ST8SIA3: variants seen among roughly 807,000 people sequenced by gnomAD.
ST8SIA3 encodes the protein ST8 alpha-N-acetyl-neuraminide alpha-2,8-sialyltransferase 3, also known as alpha-N-acetylneuraminate alpha-2,8-sialyltransferase ST8SIA3.
ST8SIA3 carries 17 observed loss-of-function variants against 34.5 expected under a neutral mutation model. The ratio of observed to expected loss-of-function variants is 0.49; its 90% CI spans 0.34 to 0.74. The LOEUF is 0.74. ST8SIA3 is among the 30% of genes least tolerant of loss of function. ST8SIA3 has a pLI of 0.01. For synonymous variants in ST8SIA3, 172 were observed against 176.1 expected, an observed-to-expected ratio of 0.98 and a Z score of 0.19; for missense variants, 354 against 467.8, an observed-to-expected ratio of 0.76 and a Z score of 2.24.
At chr18:57,355,434 T>C (rs915423252) in intron 2 of ST8SIA3, among the ~76,000 whole-genome samples, 7 of 152,222 alleles carry the variant, frequency 4.6e-5, no homozygotes, top group Admixed American at 4.6e-4. Flanking sequence ...TTTAAAAGTT[T>C]AATCTATGGG....
chr18:57,358,819 TC>T (rs2049813059), intron 3 of ST8SIA3, among the ~76,000 whole-genome samples: 1 of 152,204 alleles, frequency 6.6e-6, no homozygotes, highest in African/African-American at 2.4e-5. Flanking sequence ...TGCCAACCTG[TC>T]CCATGGTCTT....
In ST8SIA3 at chr18:57,360,505, A is replaced by C. The variant is rs1481989181; in HGVS notation, c.*228A>C. The C allele has an allele frequency of 1.9e-6, 1 of 536,078 alleles. No individual in the cohort carries two copies. Among genetic ancestry groups the C allele is most frequent in the African/African-American group, 1.9e-5 (1 of 53,096 alleles). 33.2% of individuals were successfully genotyped at this position (536,078 alleles called of 1,614,324 possible). On this transcript the variant is annotated 3_prime_UTR_variant, in exon 4 of 4. Transcript: ENST00000324000. ...ACTTGATTGATAAAGGGAATGTTGC[A>C]TTTGGGACTATGCTGCTAACGAAAT... is the stretch of plus-strand genomic sequence containing the variant.
In ST8SIA3 at chr18:57,360,076, A is replaced by C; in HGVS notation, c.942A>C (p.Glu314Asp). 6.2e-7 allele frequency: 1 copy of C among 1,614,176 alleles called. No individual in the cohort carries two copies. The highest frequency in any genetic ancestry group is 1.1e-5 in the South Asian group (1 of 91,086). Residue 314 changes from glutamate to aspartate, a missense_variant, in exon 4 of 4, where the codon GAA (glutamate) becomes GAC (aspartate). Physicochemically the swap from Glu to Asp is conservative, Grantham distance 45. Coordinates refer to ENST00000324000, the MANE Select transcript of ST8SIA3 (RefSeq NM_015879.3). ...ACACCCTTGCATCAGCAATATGTGA[A>C]GAGATCCACTTGTATGGATTTTGGC... ...LMYTLASAIC[E>D]EIHLYGFWPF...
Position 57,356,975 on chromosome 18 carries a change from G to A in ST8SIA3, c.365G>A (p.Arg122Gln), listed in dbSNP as rs562177389. 4.2e-5 allele frequency: 68 copies of A among 1,613,706 alleles called. No individual in the cohort carries two copies. Among genetic ancestry groups the A allele is most frequent in the Admixed American group, 5.0e-5 (3 of 59,966 alleles). ...KNFSLTKNSV[R>Q]IGQLMHYDYS... ...TTTTCTTTGACCAAGAATAGTGTTCGGATTGGACAACTGATGCACTATGAT... is the reference window on the plus strand; with the variant it reads ...TTTTCTTTGACCAAGAATAGTGTTCAGATTGGACAACTGATGCACTATGAT... The change falls in exon 3 of 4, where the codon CGG (arginine) becomes CAG (glutamine). Residue 122 changes from arginine (R) to glutamine (Q), a missense_variant. By Grantham distance (43) the Arg-to-Gln change is conservative. Coordinates refer to ENST00000324000, the MANE Select transcript of ST8SIA3 (RefSeq NM_015879.3).
intron 2 of ST8SIA3, among the ~76,000 whole-genome samples, chr18:57,355,376 G>A (rs373499824): frequency 1.2e-4 from 18 of 152,146 alleles, no homozygotes; most frequent in South Asian, 2.1e-4. Flanking sequence ...CTCTATTTAG[G>A]GAGTTGTGTT....
intron 2 of ST8SIA3, 66 bp downstream of exon 2, chr18:57,354,590 CA>C: frequency 1.9e-6 from 3 of 1,579,190 alleles, no homozygotes; most frequent in South Asian, 1.1e-5. Flanking sequence ...CAAAACAAAA[CA>C]AAAACAAGCA....
rs2049828563 is a variant in ST8SIA3, at chr18:57,361,213, C to G, written c.*936C>G. ...CAACCCATGCACTAGGCTGGGTGTT[C>G]TCTCAGAATATAGAGGCAATGAATC... On this transcript the variant is annotated 3_prime_UTR_variant, in exon 4 of 4. Transcript: ENST00000324000. 6.6e-6 allele frequency: 1 copy of G among 152,190 alleles called. No individual in the cohort carries two copies. The highest frequency in any genetic ancestry group is 1.9e-4 in the East Asian group (1 of 5,192). The allele number at this position is 152,190 out of a possible 1,614,324, so 9.4% of individuals were successfully genotyped here. A position where few individuals can be genotyped will look rare whatever the true frequency, so the allele number is the denominator to read the frequency against.
Position 57,357,322 on chromosome 18 carries a change from C to T in ST8SIA3, c.712C>T (p.Leu238Phe). 2 of 1,613,902 alleles carry T rather than the reference C, an allele frequency of 1.2e-6. No homozygotes were observed. Among genetic ancestry groups the T allele is most frequent in the Non-Finnish European group, 1.7e-6 (2 of 1,179,990 alleles). ...RNNFFLSLKK[L>F]DGAILWIPAF... ...CAACTTTTTCCTCAGTTTAAAAAAG[C>T]TTGACGGGGCCATTCTTTGGATCCC... is the stretch of plus-strand genomic sequence containing the variant. Residue 238 changes from leucine (L) to phenylalanine (F), a missense_variant, in exon 3 of 4, where the codon CTT becomes TTT. By Grantham distance (22) the Leu-to-Phe change is conservative. Coordinates refer to ENST00000324000, the MANE Select transcript of ST8SIA3 (RefSeq NM_015879.3).
At chr18:57,357,529 A>G (rs1326751019) in intron 3 of ST8SIA3, 59 bp downstream of exon 3, 1 of 1,390,368 alleles carries the variant, frequency 7.2e-7, no homozygotes, top group Non-Finnish European at 9.9e-7. Context: ...CAATGTTGTA[A>G]TCTCTTGGGG....
chr18:57,354,634 C>T (rs1598901750), intron 2 of ST8SIA3, 110 bp downstream of exon 2: 3 of 1,284,892 alleles, frequency 2.3e-6, no homozygotes, highest in East Asian at 2.4e-5. Context: ...AACATCTATA[C>T]GCCCCACCCT....
Position 57,368,783 on chromosome 18 carries a change from T to C in ST8SIA3, c.*8506T>C, listed in dbSNP as rs1210809529. Reference sequence around the variant, plus strand: ...GGCAATTGCGTGTATATTGTGACTGTAGTTTGTGAAGAAAATGCAACCATT... The same window carrying C: ...GGCAATTGCGTGTATATTGTGACTGCAGTTTGTGAAGAAAATGCAACCATT... On this transcript the variant is annotated 3_prime_UTR_variant, in exon 4 of 4. Coordinates refer to ENST00000324000, the MANE Select transcript of ST8SIA3 (RefSeq NM_015879.3). The C allele has an allele frequency of 2.6e-5, 4 of 152,260 alleles. No homozygotes were observed. Among genetic ancestry groups the C allele is most frequent in the Non-Finnish European group, 5.9e-5 (4 of 68,050 alleles). 9.4% of individuals were successfully genotyped at this position (152,260 alleles called of 1,614,324 possible). A position where few individuals can be genotyped will look rare whatever the true frequency, so the allele number is the denominator to read the frequency against.
intron 1 of ST8SIA3, among the ~76,000 whole-genome samples, chr18:57,353,840 A>C (rs549427796): frequency 6.6e-6 from 1 of 152,278 alleles, no homozygotes; most frequent in African/African-American, 2.4e-5. Flanking sequence ...GCTGGGACCG[A>C]GGCGAGGAAC....
rs1367778679 is a variant in ST8SIA3, at chr18:57,367,750, C to T, written c.*7473C>T. 1 of 152,544 alleles carries T rather than the reference C, an allele frequency of 6.6e-6. No individual in the cohort carries two copies. The highest frequency in any genetic ancestry group is 1.5e-5 in the Non-Finnish European group (1 of 68,034). 9.4% of individuals were successfully genotyped at this position (152,544 alleles called of 1,614,324 possible). Reference sequence around the variant, plus strand: ...TTTAATATGGAGAATAACTGTACCCCATGTTAGAAGTGCTCTTTAGCCATA... The same window carrying T: ...TTTAATATGGAGAATAACTGTACCCTATGTTAGAAGTGCTCTTTAGCCATA... On this transcript the variant is annotated 3_prime_UTR_variant, in exon 4 of 4. Transcript: ENST00000324000.
Position 57,352,597 on chromosome 18 carries a change from C to T in ST8SIA3, c.-250C>T, listed in dbSNP as rs911203132. The T allele has an allele frequency of 1.2e-5, 6 of 517,412 alleles. No individual in the cohort carries two copies. Among genetic ancestry groups the T allele is most frequent in the African/African-American group, 8.0e-5 (4 of 49,894 alleles). 32.1% of individuals were successfully genotyped at this position (517,412 alleles called of 1,614,324 possible). On this transcript the variant is annotated 5_prime_UTR_variant, in exon 1 of 4. Coordinates refer to ENST00000324000, the MANE Select transcript of ST8SIA3 (RefSeq NM_015879.3). ...CGCGCAGCCCCTCCATCTTCCTGCTCGGCACCGGGCCCCGCGCGCCCCTGC... is the reference window on the plus strand; with the variant it reads ...CGCGCAGCCCCTCCATCTTCCTGCTTGGCACCGGGCCCCGCGCGCCCCTGC...
Position 57,352,690 on chromosome 18 carries a change from A to ACC in ST8SIA3, c.-153_-152dup. ...CCCCCGGCCCCGGTGGCCTCCCCCC[A>ACC]CCCCCGCCCGGGTCCCCCTCCTCCG... On this transcript the variant is annotated 5_prime_UTR_variant, in exon 1 of 4. Transcript: ENST00000324000. The ACC allele has an allele frequency of 3.8e-5, 4 of 105,070 alleles. No individual in the cohort carries two copies. The highest frequency in any genetic ancestry group is 5.3e-5 in the Non-Finnish European group (3 of 56,418). 6.5% of individuals were successfully genotyped at this position (105,070 alleles called of 1,614,324 possible).
At chr18:57,356,286 A>G (rs1452560288) in intron 2 of ST8SIA3, among the ~76,000 whole-genome samples, 1 of 152,214 alleles carries the variant, frequency 6.6e-6, no homozygotes, top group African/African-American at 2.4e-5. Flanking sequence ...TTGTGTTTCT[A>G]TATAATCAAG....
At position 57,362,894 on chromosome 18, in the gene ST8SIA3, T is replaced by A. The variant is rs1008927679; in HGVS notation, c.*2617T>A. On this transcript the variant is annotated 3_prime_UTR_variant, in exon 4 of 4. Coordinates refer to ENST00000324000, the MANE Select transcript of ST8SIA3 (RefSeq NM_015879.3). ...CAAAAAAGTTGTTGTGTCCCAAGTG[T>A]CCTAATTAGAAAGGCAGCTGGCTCT... 2 of 152,244 alleles carry A rather than the reference T, an allele frequency of 1.3e-5. No homozygotes were observed. The highest frequency in any genetic ancestry group is 2.9e-5 in the Non-Finnish European group (2 of 68,078). The allele number at this position is 152,244 out of a possible 1,614,324, so 9.4% of individuals were successfully genotyped here.
intron 3 of ST8SIA3, among the ~76,000 whole-genome samples, chr18:57,359,237 A>G (rs990865640): frequency 6.6e-6 from 1 of 152,234 alleles, no homozygotes; most frequent in Non-Finnish European, 1.5e-5. Flanking sequence ...TGGCGGTGTC[A>G]GCAGGAAGGC....
intron 1 of ST8SIA3, among the ~76,000 whole-genome samples, chr18:57,353,766 G>A (rs2049780842): frequency 6.6e-6 from 1 of 152,190 alleles, no homozygotes; most frequent in Non-Finnish European, 1.5e-5. Flanking sequence ...GTGACCCCGG[G>A]AACTCTCCCA....
Sources: allele counts gnomAD v4.1 joint callset (sites outside exome capture counted in the v4.1 genomes callset), GRCh38; gene constraint gnomAD v4.1.1; transcripts MANE v1.5; gene names NCBI Gene and HGNC (gene_info 2026-07-23, HGNC 2026-07-21).